MAP2K7: variants seen among roughly 807,000 people sequenced by gnomAD.
MAP2K7 encodes the protein mitogen-activated protein kinase kinase 7, also known as dual specificity mitogen-activated protein kinase kinase 7.
In MAP2K7, 12 loss-of-function variants were observed where a neutral mutation model predicts 47.7. That is an observed-to-expected ratio of 0.25 (90% CI 0.16 to 0.41). The LOEUF (loss-of-function observed/expected upper bound fraction) is 0.41. Among genes scored for constraint, MAP2K7 ranks in the 10% least tolerant of loss-of-function variants. The pLI is 1.00. For missense variants in MAP2K7, 415 were observed against 600.3 expected, an observed-to-expected ratio of 0.69 and a Z score of 3.23; for synonymous variants, 299 against 243.0, an observed-to-expected ratio of 1.23 and a Z score of -2.14.
chr19:7,906,015 C>T (rs1599620794), intron 1 of MAP2K7: 1 of 688,434 alleles, frequency 1.5e-6, no homozygotes, highest in East Asian at 2.5e-5. Flanking sequence ...AAGCAGCGGT[C>T]AGCCCAGCCC....
Position 7,909,662 on chromosome 19 carries a change from G to A in MAP2K7, c.125-93G>A, listed in dbSNP as rs114264263. 596 of 692,814 alleles carry A rather than the reference G, an allele frequency of 8.6e-4. 7 individuals are homozygous for A. In the African/African-American group the frequency reaches 1.0e-2, roughly 12 times the overall value. 42.9% of individuals were successfully genotyped at this position (692,814 alleles called of 1,614,324 possible). A position where few individuals can be genotyped will look rare whatever the true frequency, so the allele number is the denominator to read the frequency against. ...CTCGGGAAACCCAGGAGGGGAAGGT[G>A]AGGGTCCCGACCCCTCCCTGGAGTG... On this transcript the variant is annotated intron_variant, in intron 1 of 10. Coordinates refer to ENST00000397979, the MANE Select transcript of MAP2K7 (RefSeq NM_145185.4).
intron 1 of MAP2K7, among the ~76,000 whole-genome samples, chr19:7,905,328 C>T (rs948246176): frequency 4.1e-4 from 62 of 152,212 alleles, no homozygotes; most frequent in African/African-American, 1.3e-3. Flanking sequence ...AGCCTGACAC[C>T]CTCCTGTCCC....
intron 9 of MAP2K7, 88 bp from the exon 10 acceptor site, chr19:7,912,061 G>A (rs1043755888): frequency 1.6e-6 from 2 of 1,258,822 alleles, no homozygotes; most frequent in African/African-American, 2.9e-5. Flanking sequence ...GGGACCCCTG[G>A]CCCCTTGGGG....
chr19:7,903,885 G>A lies in MAP2K7; in HGVS notation c.-60G>A. ...CATCCGGGCGCAGGCGCAGTGCGGT[G>A]TTTGTCTGCCGGACTGACGGGCGGC... On this transcript the variant is annotated 5_prime_UTR_variant, in exon 1 of 11. Coordinates refer to ENST00000397979, the MANE Select transcript of MAP2K7 (RefSeq NM_145185.4). The A allele has an allele frequency of 7.5e-7, 1 of 1,338,740 alleles. No homozygotes were observed. The highest frequency in any genetic ancestry group is 9.9e-7 in the Non-Finnish European group (1 of 1,012,710). 82.9% of individuals were successfully genotyped at this position (1,338,740 alleles called of 1,614,324 possible). A position where few individuals can be genotyped will look rare whatever the true frequency, so the allele number is the denominator to read the frequency against.
At chr19:7,908,712 G>A (rs1262171493) in intron 1 of MAP2K7, among the ~76,000 whole-genome samples, 1 of 152,032 alleles carries the variant, frequency 6.6e-6, no homozygotes, top group African/African-American at 2.4e-5. Flanking sequence ...TGTCAGGATT[G>A]GCTCCTCTGG....
At chr19:7,904,394 C>T in intron 1 of MAP2K7, 1 of 303,800 alleles carries the variant, frequency 3.3e-6, no homozygotes, top group Non-Finnish European at 6.8e-6. Flanking sequence ...ATCCAGGTCG[C>T]CCCGAAAACA....
In MAP2K7 at chr19:7,911,170, G is replaced by A. The variant is rs1335851436; in HGVS notation, c.855+11G>A. ...GCCGCCTACATGGCAGTGAGTGGGG[G>A]CCCCCCAGCGGGGGAGGGGGTGGGG... On this transcript the variant is annotated intron_variant, in intron 7 of 10. Transcript: ENST00000397979. 1.8e-5 allele frequency: 29 copies of A among 1,605,120 alleles called. No homozygotes were observed. The highest frequency in any genetic ancestry group is 4.5e-5 in the East Asian group (2 of 44,740).
chr19:7,910,431 C>T, intron 4 of MAP2K7, 22 bp from the exon 5 acceptor site: 1 of 1,603,232 alleles, frequency 6.2e-7, no homozygotes, highest in South Asian at 1.1e-5. Flanking sequence ...GCTGAGGCTC[C>T]CTCCTGTCCC....
intron 9 of MAP2K7, 128 bp downstream of exon 9, chr19:7,911,706 G>A (rs1982885404): frequency 3.0e-6 from 3 of 1,001,232 alleles, no homozygotes; most frequent in Non-Finnish European, 4.3e-6. Flanking sequence ...GCGGGCTCCT[G>A]GCTGGCGGCT....
intron 6 of MAP2K7, 85 bp from the exon 7 acceptor site, chr19:7,910,893 GGT>G: frequency 6.3e-7 from 1 of 1,585,160 alleles, no homozygotes; most frequent in Middle Eastern, 1.7e-4. Context: ...TGACAGTGGC[GGT>G]GAGTGGCCAG....
At chr19:7,904,391 T>C in intron 1 of MAP2K7, 1 of 298,108 alleles carries the variant, frequency 3.4e-6, no homozygotes, top group Non-Finnish European at 7.0e-6. Context: ...CACATCCAGG[T>C]CGCCCCGAAA....
At chr19:7,910,628 C>T in intron 5 of MAP2K7, 56 bp downstream of exon 5, 2 of 1,611,124 alleles carry the variant, frequency 1.2e-6, no homozygotes, top group Middle Eastern at 1.7e-4. Context: ...CTGCCCCTTC[C>T]TAGGGAGCAG....
At chr19:7,906,755 C>T (rs1295856116) in intron 1 of MAP2K7, 5 of 152,444 alleles carry the variant, frequency 3.3e-5, no homozygotes, top group South Asian at 2.0e-4. Flanking sequence ...GGCACAGTGA[C>T]TCACACCTGT....
intron 9 of MAP2K7, 29 bp from the exon 10 acceptor site, chr19:7,912,120 C>T: frequency 9.3e-6 from 15 of 1,611,722 alleles, no homozygotes; most frequent in Non-Finnish European, 1.3e-5. Flanking sequence ...CCCTCGTTCT[C>T]ACATCTGTCT....
chr19:7,909,060 C>G (rs1214718543), intron 1 of MAP2K7, among the ~76,000 whole-genome samples: 1 of 152,160 alleles, frequency 6.6e-6, no homozygotes, highest in African/African-American at 2.4e-5. Context: ...CCCGCCAGCC[C>G]CTGCAGGAGC....
intron 1 of MAP2K7, among the ~76,000 whole-genome samples, chr19:7,908,346 G>C (rs1982596143): frequency 6.6e-6 from 1 of 152,144 alleles, no homozygotes; most frequent in African/African-American, 2.4e-5. Context: ...GGGAGCTAGG[G>C]GGCACAGCTC....
rs117765980 is a variant in MAP2K7 at position 7,910,773 on chromosome 19, C to A, written c.645C>A (p.Pro215=). 9,303 of 1,610,106 alleles carry A rather than the reference C, an allele frequency of 5.8e-3. 43 individuals are homozygous for A. The highest frequency in any genetic ancestry group is 6.9e-3 in the Non-Finnish European group (8,149 of 1,179,218). Residue 215 remains proline (P), a synonymous_variant, in exon 6 of 11, where the codon CCC becomes CCA. Transcript: ENST00000397979. The part of the protein sequence containing the change: ...KLKKRMQGPI[P]ERILGKMTVA... The stretch of plus-strand genomic sequence containing the variant: ...AGAAGCGGATGCAGGGCCCCATCCC[C>A]GAGCGCATTCTGGGCAAGATGACAG...
Position 7,904,461 on chromosome 19 carries a change from GC to G in MAP2K7, c.124+394del, listed in dbSNP as rs758095371. On this transcript the variant is annotated intron_variant, in intron 1 of 10. Coordinates refer to ENST00000397979, the MANE Select transcript of MAP2K7 (RefSeq NM_145185.4). ...CTCTCGTCATCTCAGGGACTGTCTG[GC>G]GCCCCCCTCCCCCGGCCTGGGGGCT... 5.0e-5 allele frequency: 19 copies of G among 376,972 alleles called. 1 individual carries two copies. The highest frequency in any genetic ancestry group is 3.2e-4 in the South Asian group (18 of 55,794). 23.4% of individuals were successfully genotyped at this position (376,972 alleles called of 1,614,324 possible). A position where few individuals can be genotyped will look rare whatever the true frequency, so the allele number is the denominator to read the frequency against.
In MAP2K7 at chr19:7,910,385, C is replaced by T. The variant is rs750417403; in HGVS notation, c.447+12C>T. 3.7e-5 allele frequency: 59 copies of T among 1,607,608 alleles called. No homozygotes were observed. The Admixed American group carries it at 3.9e-4, about 11-fold the overall frequency. ...TCATTGCCGTTAAGGTGAGCCTTGG[C>T]GGCTACCCCGGCTGCGCCCCACACC... On this transcript the variant is annotated intron_variant, in intron 4 of 10. Coordinates refer to ENST00000397979, the MANE Select transcript of MAP2K7 (RefSeq NM_145185.4).
Sources: allele counts gnomAD v4.1 joint callset (sites outside exome capture counted in the v4.1 genomes callset), GRCh38; gene constraint gnomAD v4.1.1; transcripts MANE v1.5; gene names NCBI Gene and HGNC (gene_info 2026-07-23, HGNC 2026-07-21).